Variants in MYO16 observed in about 807,000 individuals in gnomAD.
MYO16 encodes the protein unconventional myosin-XVI.
A neutral mutation model predicts 205.3 loss-of-function variants in MYO16; 94 were observed. That is an observed-to-expected ratio of 0.46 (90% CI 0.39 to 0.54). The LOEUF (loss-of-function observed/expected upper bound fraction) is 0.54. Ranked by LOEUF, MYO16 falls within the 20% of genes least tolerant of loss-of-function variation. The pLI is 0.00. For missense variants in MYO16, 2,315 were observed against 2,387.5 expected (o/e 0.97, Z 0.63); for synonymous variants, 988 against 954.0 (o/e 1.04, Z -0.66).
In MYO16 at chr13:108,788,178, C is replaced by T. The variant is rs528729752; in HGVS notation, c.616+2435C>T. ...TTATCACCTGTCACATCAGGATGCA[C>T]GTGGCAGAAGAGGCTGCAACGTCTT... On this transcript the variant is annotated intron_variant, in intron 5 of 34. Coordinates refer to ENST00000457511, the MANE Select transcript of MYO16 (RefSeq NM_001198950.3). Among the ~76,000 whole-genome samples the T allele has an allele frequency of 2.8e-4, 42 of 152,166 alleles. 2 individuals carry two copies. The South Asian group carries it at 7.3e-3, about 26-fold the overall frequency.
At chr13:108,581,893 G>GAAAAAA in the MYO16 span, among the ~76,000 whole-genome samples, 1 of 122,076 alleles carries the variant, frequency 8.2e-6, no homozygotes, top group Admixed American at 8.1e-5. Flanking sequence ...AAAAAAAAAA[G>GAAAAAA]AAAAAAAAAA....
intron 1 of MYO16, among the ~76,000 whole-genome samples, chr13:108,646,140 G>A (rs558910405): frequency 6.6e-6 from 1 of 152,164 alleles, no homozygotes; most frequent in Non-Finnish European, 1.5e-5. Context: ...TAGCTCCCAT[G>A]AAAGGAAAGT....
intron 4 of MYO16, among the ~76,000 whole-genome samples, chr13:108,738,788 C>G (rs1344864153): frequency 6.6e-6 from 1 of 152,126 alleles, no homozygotes; most frequent in Non-Finnish European, 1.5e-5. Flanking sequence ...CTTTATAAGT[C>G]TCTAAGGACT....
intron 14 of MYO16, among the ~76,000 whole-genome samples, chr13:108,896,376 AT>A (rs897107346): frequency 2.6e-5 from 4 of 152,210 alleles, no homozygotes; most frequent in African/African-American, 4.8e-5. Context: ...GTACTATTTC[AT>A]TTTTTTCCCA....
intron 32 of MYO16, among the ~76,000 whole-genome samples, chr13:109,152,437 C>A (rs1877726798): frequency 6.6e-6 from 1 of 152,142 alleles, no homozygotes; most frequent in South Asian, 2.1e-4. Flanking sequence ...ATTAATTTCA[C>A]TGATGTAGTT....
chr13:108,528,224 T>A, the MYO16 span, among the ~76,000 whole-genome samples: 4 of 152,292 alleles, frequency 2.6e-5, no homozygotes, highest in East Asian at 3.9e-4. Flanking sequence ...CAGCCTTTTG[T>A]TTATATGGCA....
chr13:108,875,954 T>C (rs1357243705), intron 12 of MYO16, among the ~76,000 whole-genome samples: 2 of 152,160 alleles, frequency 1.3e-5, no homozygotes, highest in Non-Finnish European at 2.9e-5. Context: ...CTGTCTCTTG[T>C]GTCTGTTGAA....
intron 9 of MYO16, among the ~76,000 whole-genome samples, chr13:108,832,440 C>T (rs1312835482): frequency 1.3e-5 from 2 of 152,056 alleles, no homozygotes; most frequent in South Asian, 2.1e-4. Flanking sequence ...CCGTGCCCAG[C>T]CCCATGTGGA....
At chr13:109,173,953 G>GGGC (rs1555338670) in intron 33 of MYO16, among the ~76,000 whole-genome samples, 4 of 147,630 alleles carry the variant, frequency 2.7e-5, no homozygotes, top group African/African-American at 1.0e-4. Context: ...TTGATGGGGG[G>GGGC]GGGTACTCTC....
chr13:108,594,176 TTTACCATGA>T, upstream of MYO16, among the ~76,000 whole-genome samples: 1 of 152,250 alleles, frequency 6.6e-6, no homozygotes, highest in East Asian at 1.9e-4. Context: ...AGAGATAAGA[TTTACCATGA>T]GGCCAATCAT....
chr13:108,540,687 CA>C, the MYO16 span, among the ~76,000 whole-genome samples: 3 of 152,052 alleles, frequency 2.0e-5, no homozygotes, highest in African/African-American at 7.2e-5. Flanking sequence ...AGGAATACAG[CA>C]CACCAATTTC....
At chr13:108,579,539 C>A in the MYO16 span, among the ~76,000 whole-genome samples, 1 of 149,574 alleles carries the variant, frequency 6.7e-6, no homozygotes, top group African/African-American at 2.5e-5. Context: ...CTTCCGGGTT[C>A]AAGCAATTCT....
chr13:109,141,525 A>AG lies in MYO16; in HGVS notation c.5164+149_5164+150insG. ...GAGCAGATATCAGCTTTAAAAAAAA[A>AG]TCGTATACACCCACTGTGACCAAAT... On this transcript the variant is annotated intron_variant, in intron 32 of 34. Transcript: ENST00000457511. The surrounding 1 kb of genome is among the most constrained non-coding windows in gnomAD (Gnocchi z 4.1). 2.0e-6 allele frequency: 1 copy of AG among 505,846 alleles called. No individual in the cohort carries two copies. The highest frequency in any genetic ancestry group is 3.3e-6 in the Non-Finnish European group (1 of 306,010). The allele number at this position is 505,846 out of a possible 1,614,324, so 31.3% of individuals were successfully genotyped here.
intron 14 of MYO16, among the ~76,000 whole-genome samples, chr13:108,888,780 C>T (rs554852592): frequency 1.6e-4 from 25 of 152,042 alleles, no homozygotes; most frequent in Admixed American, 5.2e-4. Context: ...TGAGGCTGAG[C>T]GCAGGGGCTC....
At chr13:108,922,636 A>G (rs1040103931) in intron 16 of MYO16, among the ~76,000 whole-genome samples, 3 of 152,190 alleles carry the variant, frequency 2.0e-5, no homozygotes, top group Non-Finnish European at 4.4e-5. Context: ...CTTCAGGTGG[A>G]GCCTATCAGG....
chr13:108,980,562 A>G (rs1884419305), intron 20 of MYO16, among the ~76,000 whole-genome samples: 1 of 152,234 alleles, frequency 6.6e-6, no homozygotes. Flanking sequence ...TGTCCCCGAA[A>G]AAAACACCAG....
intron 1 of MYO16, among the ~76,000 whole-genome samples, chr13:108,636,363 T>TGTGTG (rs1172973165): frequency 4.4e-4 from 34 of 77,474 alleles, no homozygotes; most frequent in African/African-American, 9.4e-4. Context: ...TTTTTTTTTT[T>TGTGTG]TTTTTTTGTG....
intron 16 of MYO16, among the ~76,000 whole-genome samples, chr13:108,935,867 T>A (rs1436984355): frequency 6.6e-6 from 1 of 152,054 alleles, no homozygotes; most frequent in Non-Finnish European, 1.5e-5. Context: ...AGAAACTTTT[T>A]TTCACATCTA....
chr13:108,978,081 A>G (rs1262135845), intron 20 of MYO16, among the ~76,000 whole-genome samples: 1 of 151,764 alleles, frequency 6.6e-6, no homozygotes, highest in Non-Finnish European at 1.5e-5. Context: ...TGTGGCTATA[A>G]TGAGTTCTAT....
Sources: allele counts gnomAD v4.1 joint callset (sites outside exome capture counted in the v4.1 genomes callset), GRCh38; gene constraint gnomAD v4.1.1; non-coding constraint Gnocchi (gnomAD v3.1); transcripts MANE v1.5; gene names NCBI Gene and HGNC (gene_info 2026-07-23, HGNC 2026-07-21).